SYTL2: variants seen among roughly 807,000 people sequenced by gnomAD.
SYTL2 encodes the protein synaptotagmin-like protein 2.
A neutral mutation model predicts 198.7 loss-of-function variants in SYTL2; 165 were observed. The ratio of observed to expected loss-of-function variants is 0.83; its 90% CI spans 0.73 to 0.94. SYTL2 has a LOEUF of 0.94. Among genes scored for constraint, SYTL2 ranks in the 40% least tolerant of loss-of-function variants. The pLI, the probability that SYTL2 is intolerant of heterozygous loss-of-function variation, is 0.00. For missense variants in SYTL2, 2,835 were observed against 2,582.8 expected (o/e 1.10, Z -2.12); for synonymous variants, 966 against 917.7 (o/e 1.05, Z -0.95).
the SYTL2 span, among the ~76,000 whole-genome samples, chr11:85,846,074 A>C: frequency 6.6e-6 from 1 of 152,236 alleles, no homozygotes; most frequent in Non-Finnish European, 1.5e-5. Flanking sequence ...CAGCTGGGAC[A>C]GTCCAAGATG....
the SYTL2 span, among the ~76,000 whole-genome samples, chr11:85,849,885 C>T: frequency 7.1e-6 from 1 of 139,986 alleles, no homozygotes; most frequent in Non-Finnish European, 1.6e-5. Flanking sequence ...GGCAGTATGG[C>T]CATTTTCACG....
At chr11:85,733,313 C>T (rs1158415077) in intron 7 of SYTL2, among the ~76,000 whole-genome samples, 1 of 152,174 alleles carries the variant, frequency 6.6e-6, no homozygotes. Flanking sequence ...GGAAGTCTTT[C>T]TTACTCTATT....
At chr11:85,787,537 T>C (rs928466036) in intron 1 of SYTL2, among the ~76,000 whole-genome samples, 4 of 152,074 alleles carry the variant, frequency 2.6e-5, no homozygotes, top group East Asian at 1.9e-4. Flanking sequence ...ATGGAGTAAA[T>C]GGGAAGAGAC....
At chr11:85,756,070 C>T (rs141109531) in intron 2 of SYTL2, among the ~76,000 whole-genome samples, 229 of 152,288 alleles carry the variant, frequency 1.5e-3, no homozygotes, top group Non-Finnish European at 2.4e-3. Flanking sequence ...GCCCTTACTC[C>T]TCAATGGTTG....
chr11:85,780,090 G>A (rs945203248), intron 1 of SYTL2, among the ~76,000 whole-genome samples: 3 of 152,170 alleles, frequency 2.0e-5, no homozygotes, highest in Non-Finnish European at 4.4e-5. Flanking sequence ...GACAATTCAG[G>A]CCACAGCAGA....
At chr11:85,703,952 A>G (rs1033434559) in intron 16 of SYTL2, among the ~76,000 whole-genome samples, 3 of 152,138 alleles carry the variant, frequency 2.0e-5, no homozygotes, top group African/African-American at 7.2e-5. Flanking sequence ...ACTATGACTG[A>G]CATATTAAGA....
Position 85,748,272 on chromosome 11 carries a change from C to T in SYTL2, c.253G>A (p.Ala85Thr). 1 of 1,611,980 alleles carries T rather than the reference C, an allele frequency of 6.2e-7. No homozygotes were observed. The highest frequency in any genetic ancestry group is 8.5e-7 in the Non-Finnish European group (1 of 1,178,546). Residue 85 changes from alanine (A) to threonine (T), a missense_variant and splice_region_variant, in exon 3 of 20, where the codon GCT (alanine) becomes ACT (threonine). Ala to Thr is a moderately conservative substitution (Grantham distance 58, BLOSUM62 0). Transcript: ENST00000359152. ...SMRKKRPQIA[A>T]EQSKDRENGA... ...AAATGCACTAGCCAAGTCAACTCACCTGCTATCTGGGGCCTCTTCTTTCTC... is the reference window on the plus strand; with the variant it reads ...AAATGCACTAGCCAAGTCAACTCACTTGCTATCTGGGGCCTCTTCTTTCTC...
chr11:85,704,915 T>G lies in SYTL2; in HGVS notation c.6132A>C (p.Thr2044=). ...TATTCTGTTTGTTATCCCAGTCCCA[T>G]GTTTCCAAATCAAGTTCCACCTCCC... is the stretch of plus-strand genomic sequence containing the variant. ...FLGEVELDLE[T]WDWDNKQNKQ... The change falls in exon 16 of 20, where the codon ACA becomes ACC. Residue 2044 remains threonine, a synonymous_variant. Transcript: ENST00000359152. 6.2e-7 allele frequency: 1 copy of G among 1,613,832 alleles called. No homozygotes were observed. Among genetic ancestry groups the G allele is most frequent in the Non-Finnish European group, 8.5e-7 (1 of 1,179,774 alleles).
rs1328735503 is a variant in SYTL2, at chr11:85,725,420, G to A, written c.3938C>T (p.Ser1313Phe). The A allele has an allele frequency of 6.2e-7, 1 of 1,614,102 alleles. No homozygotes were observed. The highest frequency in any genetic ancestry group is 1.7e-5 in the Admixed American group (1 of 60,018). ...AEDSHPLDPT[S>F]QLSRKGSFGD... ...AAAAGAACCCTTTCTGGAAAGCTGG[G>A]AAGTTGGATCCAATGGATGAGAATC... The change falls in exon 8 of 20, where the codon TCC (serine) becomes TTC (phenylalanine). Residue 1313 changes from serine to phenylalanine, a missense_variant. Around this residue, in one of 3 missense-constraint regions of SYTL2, gnomAD observed 2,645 missense variants for 2,381.7 expected, o/e 1.11. Transcript: ENST00000359152.
At chr11:85,840,089 C>G in the SYTL2 span, among the ~76,000 whole-genome samples, 5 of 152,094 alleles carry the variant, frequency 3.3e-5, no homozygotes, top group African/African-American at 1.2e-4. Flanking sequence ...TGTCTTCTTT[C>G]AAGAAATGTC....
intron 1 of SYTL2, among the ~76,000 whole-genome samples, chr11:85,800,192 C>G (rs1367567256): frequency 6.6e-6 from 1 of 152,156 alleles, no homozygotes; most frequent in Admixed American, 6.5e-5. Context: ...AAGGACTAGA[C>G]TGAGACTTGA....
At chr11:85,698,287 T>C (rs561331777) in intron 17 of SYTL2, among the ~76,000 whole-genome samples, 1 of 152,352 alleles carries the variant, frequency 6.6e-6, no homozygotes, top group South Asian at 2.1e-4. Flanking sequence ...ATAATTCATA[T>C]TGGCTTTAAG....
In SYTL2 at chr11:85,717,492, C is replaced by T. The variant is rs376203930; in HGVS notation, c.5521G>A (p.Val1841Ile). 33 of 1,612,582 alleles carry T rather than the reference C, an allele frequency of 2.0e-5. No homozygotes were observed. The Middle Eastern group carries it at 4.9e-4, about 24-fold the overall frequency. ...AGATCCTGCTACTCACTTCTTGGTA[C>T]GCATTCATTTGTAACTGGCTTCTGA... The part of the protein sequence containing the change: ...PDQKPVTNEC[V>I]PRISTVPTQP... Residue 1841 changes from valine (V) to isoleucine (I), a missense_variant, in exon 11 of 20, where the codon GTA becomes ATA. Val to Ile is a conservative substitution (Grantham distance 29). This residue lies in a region of SYTL2 where 2,645 missense variants were observed against 2,381.7 expected (regional missense o/e 1.11). Transcript: ENST00000359152.
At chr11:85,827,625 G>A in the SYTL2 span, among the ~76,000 whole-genome samples, 1 of 152,146 alleles carries the variant, frequency 6.6e-6, no homozygotes, top group Non-Finnish European at 1.5e-5. Context: ...GGCCAGCACA[G>A]TGCCTTATAA....
rs1162678581 is a variant in SYTL2 at position 85,726,391 on chromosome 11, C to T, written c.2967G>A (p.Trp989Ter). 6.2e-7 allele frequency: 1 copy of T among 1,613,118 alleles called. No individual in the cohort carries two copies. Among genetic ancestry groups the T allele is most frequent in the Non-Finnish European group, 8.5e-7 (1 of 1,179,794 alleles). Reference protein sequence around the residue: ...PSQFENLRKFWDLEANSNSKD... With the variant: ...PSQFENLRKF ...TACTGTTTGAATTAGCTTCTAAGTC[C>T]CAAAACTTTCTCAAATTCTCAAACT... The change falls in exon 8 of 20, where the codon TGG becomes TGA. Residue 989 changes from tryptophan (W) to a stop codon, truncating the protein, a stop_gained. Coordinates refer to ENST00000359152, the MANE Select transcript of SYTL2 (RefSeq NM_206927.4). LOFTEE classifies it high-confidence loss of function.
intron 2 of SYTL2, among the ~76,000 whole-genome samples, chr11:85,750,942 A>G (rs576416745): frequency 6.6e-6 from 1 of 152,282 alleles, no homozygotes; most frequent in Admixed American, 6.5e-5. Flanking sequence ...AAGATTGTTT[A>G]TTTTTGTTTT....
Position 85,734,315 on chromosome 11 carries a change from C to T in SYTL2, c.1014G>A (p.Val338=), listed in dbSNP as rs758510396. 6.2e-7 allele frequency: 1 copy of T among 1,614,202 alleles called. No individual in the cohort carries two copies. The highest frequency in any genetic ancestry group is 8.5e-7 in the Non-Finnish European group (1 of 1,180,016). ...EPLKHVRFSA[V]KDELPQSPGL... ...CAGGACTCTGTGGAAGCTCATCCTT[C>T]ACTGCAGAGAATCTCACATGCTTTA... is the stretch of plus-strand genomic sequence containing the variant. The change falls in exon 7 of 20, where the codon GTG becomes GTA. Residue 338 remains valine (V), a synonymous_variant. Coordinates refer to ENST00000359152, the MANE Select transcript of SYTL2 (RefSeq NM_206927.4).
In SYTL2 at chr11:85,725,511, G is replaced by A. The variant is rs374740990; in HGVS notation, c.3847C>T (p.Leu1283Phe). ...CACTCACCACTTTCAGCTTTCTTGA[G>A]GAGAGCTGTATTTCCAAAAGTTTCA... is the stretch of plus-strand genomic sequence containing the variant. ...RDETFGNTAL[L>F]KKAESGECQL... Residue 1283 changes from leucine (L) to phenylalanine (F), a missense_variant, in exon 8 of 20, where the codon CTC becomes TTC. Physicochemically the swap from Leu to Phe is conservative, Grantham distance 22. Around this residue, in one of 3 missense-constraint regions of SYTL2, gnomAD observed 2,645 missense variants for 2,381.7 expected, o/e 1.11. Transcript: ENST00000359152. The A allele has an allele frequency of 6.2e-7, 1 of 1,613,980 alleles. No homozygotes were observed. Among genetic ancestry groups the A allele is most frequent in the South Asian group, 1.1e-5 (1 of 91,052 alleles).
the SYTL2 span, chr11:85,852,659 GTCTCGTTCAC>G: frequency 0.016 from 2,972 of 189,976 alleles, 89 homozygotes; most frequent in African/African-American, 0.066. Context: ...TGCAGACGGA[GTCTCGTTCAC>G]TCAGTGCTCA....
Sources: allele counts gnomAD v4.1 joint callset (sites outside exome capture counted in the v4.1 genomes callset), GRCh38; gene constraint gnomAD v4.1.1; regional missense constraint gnomAD v4.1.1; transcripts MANE v1.5; gene names NCBI Gene and HGNC (gene_info 2026-07-23, HGNC 2026-07-21).